The following MALRD1 variants were observed in gnomAD, a reference collection of about 807,000 sequenced individuals.
MALRD1 encodes the protein MAM and LDL-receptor class A domain-containing protein 1.
Under a neutral mutation model 242.1 loss-of-function variants are expected in MALRD1, and 247 were observed. The ratio of observed to expected loss-of-function variants is 1.02; its 90% CI spans 0.92 to 1.13. The LOEUF is 1.13. MALRD1 is among the 50% of genes most tolerant of loss of function. The pLI, the probability that MALRD1 is intolerant of heterozygous loss-of-function variation, is 0.00. For missense variants in MALRD1, 2,989 were observed against 2,533.1 expected, an observed-to-expected ratio of 1.18 and a Z score of -3.86; for synonymous variants, 995 against 866.6, an observed-to-expected ratio of 1.15 and a Z score of -2.60.
At chr10:19,094,724 C>G (rs1179540340) in intron 4 of MALRD1, among the ~76,000 whole-genome samples, 1 of 152,142 alleles carries the variant, frequency 6.6e-6, no homozygotes, top group Non-Finnish European at 1.5e-5. Context: ...ATACTTATTC[C>G]AAATGCTGTT....
rs558987130 is a variant in MALRD1 at position 19,250,945 on chromosome 10, T to C, written c.2992-6739T>C. 2.3e-3 allele frequency among the ~76,000 whole-genome samples: 352 copies of C among 152,012 alleles called. 2 individuals are homozygous for C. Among genetic ancestry groups the C allele is most frequent in the African/African-American group, 8.1e-3 (338 of 41,486 alleles). On this transcript the variant is annotated intron_variant, in intron 18 of 39. Transcript: ENST00000454679. Reference sequence around the variant, plus strand: ...CCAATTTCTTACATCTTTTTTGATTTCTCTTTTAATATTATTATTATTATT... The same window carrying C: ...CCAATTTCTTACATCTTTTTTGATTCCTCTTTTAATATTATTATTATTATT...
intron 28 of MALRD1, among the ~76,000 whole-genome samples, chr10:19,428,138 G>A (rs951324538): frequency 9.2e-5 from 14 of 151,696 alleles, no homozygotes; most frequent in African/African-American, 2.9e-4. Flanking sequence ...TTTCTCCTTG[G>A]GGTGGGCAGG....
chr10:19,695,444 C>T (rs1031785353), intron 38 of MALRD1, among the ~76,000 whole-genome samples: 1 of 151,562 alleles, frequency 6.6e-6, no homozygotes. Context: ...TTAATGGACT[C>T]ACAGTTTCAT....
At chr10:19,591,497 GTTTTTTTT>G in intron 33 of MALRD1, among the ~76,000 whole-genome samples, 1 of 116,300 alleles carries the variant, frequency 8.6e-6, no homozygotes, top group African/African-American at 3.1e-5. Flanking sequence ...TTTTATTTTA[GTTTTTTTT>G]TTTTTTTTTT....
intron 18 of MALRD1, among the ~76,000 whole-genome samples, chr10:19,249,727 G>A (rs1009665848): frequency 6.6e-6 from 1 of 151,988 alleles, no homozygotes; most frequent in Admixed American, 6.6e-5. Flanking sequence ...GTCAAGGAAG[G>A]CTTCTCTGAG....
chr10:19,193,681 G>A (rs1488671415), intron 14 of MALRD1, among the ~76,000 whole-genome samples: 1 of 152,106 alleles, frequency 6.6e-6, no homozygotes, highest in Non-Finnish European at 1.5e-5. Flanking sequence ...CTTATATCCT[G>A]GAGAGCAGGT....
chr10:19,257,638 C>A, intron 18 of MALRD1, 46 bp from the exon 19 acceptor site: 1 of 1,325,230 alleles, frequency 7.5e-7, no homozygotes, highest in South Asian at 1.4e-5. Context: ...TTTCCTTTAC[C>A]ACATAAACAC....
intron 11 of MALRD1, among the ~76,000 whole-genome samples, chr10:19,148,019 T>C (rs530979613): frequency 2.0e-5 from 3 of 152,094 alleles, no homozygotes; most frequent in Admixed American, 1.3e-4. Context: ...TGCTGAGGAA[T>C]TGGAAATGTG....
chr10:19,222,034 T>C (rs1837576117), intron 18 of MALRD1, among the ~76,000 whole-genome samples: 1 of 152,076 alleles, frequency 6.6e-6, no homozygotes, highest in South Asian at 2.1e-4. Context: ...TCTGAATCCT[T>C]CTCAGTCCGT....
chr10:19,346,153 A>C (rs1366866176), intron 24 of MALRD1, among the ~76,000 whole-genome samples: 1 of 152,168 alleles, frequency 6.6e-6, no homozygotes, highest in East Asian at 1.9e-4. Context: ...ACCTTGAGAT[A>C]ATTTTATCTG....
intron 18 of MALRD1, among the ~76,000 whole-genome samples, chr10:19,240,451 A>C (rs947069726): frequency 6.6e-6 from 1 of 152,056 alleles, no homozygotes; most frequent in Non-Finnish European, 1.5e-5. Context: ...GAGATCATAT[A>C]TATCTATATG....
intron 28 of MALRD1, among the ~76,000 whole-genome samples, chr10:19,399,745 T>C (rs1846750802): frequency 6.6e-6 from 1 of 152,196 alleles, no homozygotes; most frequent in South Asian, 2.1e-4. Context: ...ATAAATGTTT[T>C]AAACTTTTTT....
chr10:19,116,958 G>T (rs1240413459), intron 5 of MALRD1, among the ~76,000 whole-genome samples: 1 of 151,972 alleles, frequency 6.6e-6, no homozygotes, highest in Non-Finnish European at 1.5e-5. Context: ...AGCCAGGCGT[G>T]GTGGCGGGCC....
In MALRD1 at chr10:19,051,921, C is replaced by CAAAAAAA. The variant is rs1178410946; in HGVS notation, c.199+2809_199+2815dup. 38 of 62,732 alleles carry CAAAAAAA rather than the reference C, an allele frequency of 6.1e-4. 1 individual carries two copies. Among genetic ancestry groups the CAAAAAAA allele is most frequent in the African/African-American group, 1.1e-3 (13 of 12,346 alleles). 3.9% of individuals were successfully genotyped at this position (62,732 alleles called of 1,614,324 possible). A position where few individuals can be genotyped will look rare whatever the true frequency, so the allele number is the denominator to read the frequency against. On this transcript the variant is annotated intron_variant, in intron 1 of 39. Transcript: ENST00000454679. The stretch of plus-strand genomic sequence containing the variant: ...TGGGCGACAGAGCGAGACTCCGTCT[C>CAAAAAAA]AAAAAAAAAAAAAAAAAAAAAAAAA...
At chr10:19,188,226 C>G (rs1835820630) in intron 14 of MALRD1, among the ~76,000 whole-genome samples, 3 of 152,098 alleles carry the variant, frequency 2.0e-5, no homozygotes. Context: ...CAATGACCAC[C>G]TGTAACAAGA....
intron 36 of MALRD1, among the ~76,000 whole-genome samples, chr10:19,632,154 G>T (rs570465486): frequency 6.6e-6 from 1 of 152,188 alleles, no homozygotes; most frequent in Non-Finnish European, 1.5e-5. Context: ...TAAATCTAAA[G>T]AGACAAGGAG....
intron 11 of MALRD1, among the ~76,000 whole-genome samples, chr10:19,148,268 A>G (rs1833796110): frequency 6.6e-6 from 1 of 152,100 alleles, no homozygotes; most frequent in African/African-American, 2.4e-5. Context: ...TGAGCATACC[A>G]TAACCAGTTA....
intron 9 of MALRD1, among the ~76,000 whole-genome samples, chr10:19,135,029 C>A (rs1281268410): frequency 6.6e-6 from 1 of 152,076 alleles, no homozygotes; most frequent in Non-Finnish European, 1.5e-5. Flanking sequence ...TAGCAGCATA[C>A]AAAGTTTTCT....
At chr10:19,453,696 T>G (rs1434745837) in intron 29 of MALRD1, among the ~76,000 whole-genome samples, 2 of 151,466 alleles carry the variant, frequency 1.3e-5, no homozygotes, top group African/African-American at 4.9e-5. Context: ...GCCAACATGG[T>G]GAAACTCCAA....
Sources: gnomAD v4.1 joint callset for allele counts (sites outside exome capture counted in the v4.1 genomes callset) on GRCh38, gnomAD v4.1.1 for gene constraint, MANE v1.5 for transcripts, NCBI Gene and HGNC (gene_info 2026-07-23, HGNC 2026-07-21) for gene names.